Variants in SLC14A2 observed in about 807,000 individuals in gnomAD.
SLC14A2 encodes the protein urea transporter 2.
Under a neutral mutation model 104.6 loss-of-function variants are expected in SLC14A2, and 91 were observed. The observed-to-expected ratio is 0.87, with a 90% CI of 0.73 to 1.04. The LOEUF is 1.04. Among genes scored for constraint, SLC14A2 ranks in the 50% least tolerant of loss-of-function variants. The pLI is 0.00. For missense variants in SLC14A2, 1,189 were observed against 1,156.0 expected, an observed-to-expected ratio of 1.03 and a Z score of -0.41; for synonymous variants, 476 against 466.4, an observed-to-expected ratio of 1.02 and a Z score of -0.27.
intron 1 of SLC14A2, among the ~76,000 whole-genome samples, chr18:45,223,784 G>A (rs962154193): frequency 1.3e-5 from 2 of 152,220 alleles, no homozygotes; most frequent in Admixed American, 6.5e-5. Flanking sequence ...GAGCCCTGAG[G>A]TGGGGCTTTG....
At chr18:45,428,193 C>T (rs1287712200) in intron 1 of SLC14A2, among the ~76,000 whole-genome samples, 1 of 152,146 alleles carries the variant, frequency 6.6e-6, no homozygotes, top group Non-Finnish European at 1.5e-5. Context: ...ACCCAAGGAG[C>T]CCTAGCCTGG....
intron 2 of SLC14A2, among the ~76,000 whole-genome samples, chr18:45,563,958 A>C (rs888676930): frequency 3.3e-5 from 5 of 152,226 alleles, no homozygotes; most frequent in African/African-American, 7.2e-5. Flanking sequence ...TCACAGCAAC[A>C]AATCTAAAAT....
intron 10 of SLC14A2, among the ~76,000 whole-genome samples, chr18:45,649,273 G>T (rs1312936585): frequency 6.6e-6 from 1 of 152,082 alleles, no homozygotes; most frequent in Non-Finnish European, 1.5e-5. Context: ...TTTCTCCAAT[G>T]ATCTTTCCCT....
rs543570821 is a variant in SLC14A2, at chr18:45,299,797, G to A, written c.-125+86606G>A. 4.6e-5 allele frequency among the ~76,000 whole-genome samples: 7 copies of A among 152,264 alleles called. No individual in the cohort carries two copies. In the South Asian group the frequency reaches 1.0e-3, roughly 23 times the overall value. On this transcript the variant is annotated intron_variant, in intron 1 of 20. Transcript: ENST00000586448. ...ACTTTAAAATGCAGTTGAGGAAAAG[G>A]CAGCAACACCAAGTCCTCTCCACTC...
At chr18:45,644,294 C>T (rs2045583364) in intron 10 of SLC14A2, 134 bp downstream of exon 10, 2 of 725,924 alleles carry the variant, frequency 2.8e-6, no homozygotes, top group African/African-American at 3.5e-5. Flanking sequence ...GAACCAAGCA[C>T]ACCTGTAACT....
intron 2 of SLC14A2, among the ~76,000 whole-genome samples, chr18:45,520,109 G>A (rs1296014420): frequency 2.6e-5 from 4 of 152,110 alleles, no homozygotes; most frequent in Non-Finnish European, 5.9e-5. Context: ...ACCATATTTG[G>A]TATGTCTTTA....
chr18:45,628,786 C>T (rs1403356324), intron 4 of SLC14A2, among the ~76,000 whole-genome samples: 1 of 151,716 alleles, frequency 6.6e-6, no homozygotes, highest in East Asian at 1.9e-4. Context: ...GGGATGTGTG[C>T]GTGGGAGAGA....
At chr18:45,533,017 T>C (rs1204927495) in intron 2 of SLC14A2, among the ~76,000 whole-genome samples, 4 of 152,202 alleles carry the variant, frequency 2.6e-5, no homozygotes, top group Non-Finnish European at 5.9e-5. Flanking sequence ...TTTGCGTATG[T>C]TGAACCAGCC....
At chr18:45,202,838 G>A in the SLC14A2 span, among the ~76,000 whole-genome samples, 1 of 152,160 alleles carries the variant, frequency 6.6e-6, no homozygotes, top group African/African-American at 2.4e-5. Flanking sequence ...AAGGCCAGGT[G>A]TACAAGTCCT....
intron 1 of SLC14A2, among the ~76,000 whole-genome samples, chr18:45,217,598 A>ATAACTCATGCACATT (rs2084022351): frequency 6.6e-6 from 1 of 152,312 alleles, no homozygotes; most frequent in South Asian, 2.1e-4. Context: ...ATCTGTATTT[A>ATAACTCATGCACATT]TAACTCATGC....
chr18:45,576,677 TC>T (rs1350964185), intron 2 of SLC14A2, among the ~76,000 whole-genome samples: 1 of 152,110 alleles, frequency 6.6e-6, no homozygotes, highest in Non-Finnish European at 1.5e-5. Context: ...CTGTGGTCTC[TC>T]CATGTGGTCC....
At chr18:45,396,058 C>A (rs1290321884) in intron 1 of SLC14A2, among the ~76,000 whole-genome samples, 1 of 152,110 alleles carries the variant, frequency 6.6e-6, no homozygotes, top group South Asian at 2.1e-4. Flanking sequence ...GAGTATAAAA[C>A]CTTTTTGGTC....
At chr18:45,543,034 C>T (rs879655077) in intron 2 of SLC14A2, among the ~76,000 whole-genome samples, 3 of 151,976 alleles carry the variant, frequency 2.0e-5, no homozygotes, top group Admixed American at 6.6e-5. Flanking sequence ...CTGTAACCTC[C>T]GCTTCCCGGG....
At chr18:45,673,128 AAC>A in intron 17 of SLC14A2, 81 bp downstream of exon 17, 1 of 1,324,572 alleles carries the variant, frequency 7.5e-7, no homozygotes, top group Non-Finnish European at 1.1e-6. Flanking sequence ...TCTCATCTTC[AAC>A]ACTCCACCTG....
chr18:45,549,035 G>A (rs953980731), intron 2 of SLC14A2, among the ~76,000 whole-genome samples: 14 of 152,320 alleles, frequency 9.2e-5, no homozygotes, highest in African/African-American at 2.4e-4. Context: ...CAATATTGCC[G>A]AAGGCTAGCG....
At chr18:45,351,610 C>T (rs566197397) in intron 1 of SLC14A2, among the ~76,000 whole-genome samples, 24 of 152,318 alleles carry the variant, frequency 1.6e-4, no homozygotes, top group African/African-American at 5.5e-4. Flanking sequence ...CCACCTGAGC[C>T]TCCCAAAAAT....
At position 45,355,330 on chromosome 18, in the gene SLC14A2, C is replaced by T. The variant is rs1598713700; in HGVS notation, c.-124-127903C>T. The stretch of plus-strand genomic sequence containing the variant: ...GTGGCTCACACCTGTAATCCCAGCA[C>T]TTTGGGAGGCCGAGGTGGGTGGATC... On this transcript the variant is annotated intron_variant, in intron 1 of 20. Coordinates refer to the SLC14A2 transcript ENST00000586448. Among the ~76,000 whole-genome samples, 4 of 152,128 alleles carry T rather than the reference C, an allele frequency of 2.6e-5. No homozygotes were observed. In the South Asian group the frequency reaches 8.3e-4, roughly 32 times the overall value.
intron 1 of SLC14A2, among the ~76,000 whole-genome samples, chr18:45,434,710 A>G (rs567190482): frequency 2.4e-4 from 37 of 152,358 alleles, no homozygotes; most frequent in African/African-American, 8.9e-4. Flanking sequence ...GAAGATTTCA[A>G]TCAGAAATAG....
chr18:45,523,028 T>A (rs1273239096), intron 2 of SLC14A2, among the ~76,000 whole-genome samples: 1 of 152,148 alleles, frequency 6.6e-6, no homozygotes, highest in Non-Finnish European at 1.5e-5. Flanking sequence ...GCAGAGTGTC[T>A]TACCATGACC....
Sources: allele counts gnomAD v4.1 joint callset (sites outside exome capture counted in the v4.1 genomes callset), GRCh38; gene constraint gnomAD v4.1.1; transcripts MANE v1.5; gene names NCBI Gene and HGNC (gene_info 2026-07-23, HGNC 2026-07-21).